Variants in CHD6 observed in about 807,000 individuals in gnomAD.
The protein encoded by CHD6 is chromodomain helicase DNA binding protein 6.
A neutral mutation model predicts 276.9 loss-of-function variants in CHD6; 50 were observed. That is an observed-to-expected ratio of 0.18 (90% CI 0.14 to 0.23). The LOEUF (loss-of-function observed/expected upper bound fraction) is 0.23, where lower values mean the gene tolerates loss of function less well. CHD6 is among the 10% of genes least tolerant of loss of function. The pLI is 1.00. For missense variants in CHD6, 2,564 were observed against 3,365.8 expected (o/e 0.76, Z 5.89); for synonymous variants, 1,173 against 1,229.3 (o/e 0.95, Z 0.96).
chr20:41,594,726 C>T (rs1439960783), intron 1 of CHD6, among the ~76,000 whole-genome samples: 2 of 152,198 alleles, frequency 1.3e-5, no homozygotes, highest in Admixed American at 6.5e-5. Flanking sequence ...GTAAACAACC[C>T]TTCCCAACTA....
Position 41,404,030 on chromosome 20 carries a change from A to C in CHD6, c.*563T>G. ...GTTTTTGTTTTTTATAAAGAAATGA[A>C]TATATGTATTTTCAACCATTAGTTA... On this transcript the variant is annotated 3_prime_UTR_variant, in exon 37 of 37. Transcript: ENST00000373233. The C allele has an allele frequency of 9.5e-7, 1 of 1,048,632 alleles. No individual in the cohort carries two copies. The allele number at this position is 1,048,632 out of a possible 1,614,324, so 65.0% of individuals were successfully genotyped here.
In CHD6 at chr20:41,430,147, T is replaced by C. The variant is rs2047490191; in HGVS notation, c.4069-3994A>G. Among the ~76,000 whole-genome samples, 3 of 152,236 alleles carry C rather than the reference T, an allele frequency of 2.0e-5. No homozygotes were observed. In the South Asian group the frequency reaches 6.2e-4, roughly 31 times the overall value. Reference sequence around the variant, plus strand: ...CCATCCCTCTATGTGTGTGTGGTTTTAGCATGCAGACTAGAAGTAAAGGTG... The same window carrying C: ...CCATCCCTCTATGTGTGTGTGGTTTCAGCATGCAGACTAGAAGTAAAGGTG... On this transcript the variant is annotated intron_variant, in intron 27 of 36. Coordinates refer to ENST00000373233, the MANE Select transcript of CHD6 (RefSeq NM_032221.5).
chr20:41,404,265 AT>A lies in CHD6; in HGVS notation c.*327del. 1.8e-6 allele frequency: 2 copies of A among 1,093,776 alleles called. No homozygotes were observed. The highest frequency in any genetic ancestry group is 4.7e-5 in the East Asian group (1 of 21,092). The allele number at this position is 1,093,776 out of a possible 1,614,324, so 67.8% of individuals were successfully genotyped here. A position where few individuals can be genotyped will look rare whatever the true frequency, so the allele number is the denominator to read the frequency against. ...AAACCCTAGACAGCTTTCTTTTGCCATTTTTCCTCCTCAAGTGAGTGGGAAA... is the reference window on the plus strand; with the variant it reads ...AAACCCTAGACAGCTTTCTTTTGCCATTTTCCTCCTCAAGTGAGTGGGAAA... On this transcript the variant is annotated 3_prime_UTR_variant, in exon 37 of 37. Transcript: ENST00000373233.
chr20:41,425,203 G>A lies in CHD6; in HGVS notation c.4321C>T (p.Leu1441Phe). The part of the protein sequence containing the change: ...EMFRRTSEMD[L>F]INKEAQKRWT... ...CTCTTTTGGGCTTCCTTGTTGATGA[G>A]GTCCATTTCTGAGGTTCTCCTGAAC... Residue 1441 changes from leucine (L) to phenylalanine (F), a missense_variant, in exon 29 of 37, where the codon CTC (leucine) becomes TTC (phenylalanine). Coordinates refer to ENST00000373233, the MANE Select transcript of CHD6 (RefSeq NM_032221.5). 1.2e-6 allele frequency: 2 copies of A among 1,614,152 alleles called. No homozygotes were observed. Among genetic ancestry groups the A allele is most frequent in the Non-Finnish European group, 1.7e-6 (2 of 1,180,020 alleles).
At chr20:41,594,157 G>C (rs1266271818) in intron 1 of CHD6, among the ~76,000 whole-genome samples, 2 of 151,502 alleles carry the variant, frequency 1.3e-5, no homozygotes, top group South Asian at 2.1e-4. Flanking sequence ...CCTCATAAAG[G>C]TGTTCCACAG....
At chr20:41,549,809 T>A (rs967163105) in intron 2 of CHD6, among the ~76,000 whole-genome samples, 1 of 152,100 alleles carries the variant, frequency 6.6e-6, no homozygotes, top group Non-Finnish European at 1.5e-5. Context: ...TCTTCAGTAA[T>A]GTATTCTTTG....
chr20:41,610,900 CAGG>C (rs2045880846), intron 1 of CHD6, among the ~76,000 whole-genome samples: 1 of 152,040 alleles, frequency 6.6e-6, no homozygotes, highest in African/African-American at 2.4e-5. Flanking sequence ...GTATTGAGAA[CAGG>C]AGAACTACAG....
At chr20:41,531,336 T>A (rs1020458344) in intron 3 of CHD6, among the ~76,000 whole-genome samples, 1 of 152,158 alleles carries the variant, frequency 6.6e-6, no homozygotes, top group South Asian at 2.1e-4. Flanking sequence ...CTTATTATTC[T>A]CTGTAATAAT....
intron 1 of CHD6, among the ~76,000 whole-genome samples, chr20:41,599,489 C>T (rs1459568859): frequency 6.6e-6 from 1 of 152,162 alleles, no homozygotes; most frequent in Non-Finnish European, 1.5e-5. Context: ...TAGGTTGCTG[C>T]ACCATACCTC....
chr20:41,507,998 A>G (rs1158858818), intron 5 of CHD6, among the ~76,000 whole-genome samples: 1 of 152,214 alleles, frequency 6.6e-6, no homozygotes, highest in East Asian at 1.9e-4. Flanking sequence ...CATTCAGGGA[A>G]GACAAAATAA....
chr20:41,510,133 G>A (rs2044081348), intron 5 of CHD6, among the ~76,000 whole-genome samples: 1 of 152,122 alleles, frequency 6.6e-6, no homozygotes, highest in African/African-American at 2.4e-5. Flanking sequence ...CCACCCAGAG[G>A]GCCCCGGGAG....
chr20:41,418,011 C>T (rs2047058524), intron 31 of CHD6, among the ~76,000 whole-genome samples: 1 of 152,218 alleles, frequency 6.6e-6, no homozygotes, highest in Admixed American at 6.5e-5. Flanking sequence ...ACACCTAAGG[C>T]AGGAAAAGTT....
At chr20:41,521,116 T>C (rs531847056) in intron 3 of CHD6, among the ~76,000 whole-genome samples, 1 of 152,174 alleles carries the variant, frequency 6.6e-6, no homozygotes, top group Non-Finnish European at 1.5e-5. Context: ...AGGAAATCTG[T>C]TAAAGTTCTA....
At chr20:41,496,622 T>C (rs1280188255) in intron 8 of CHD6, among the ~76,000 whole-genome samples, 2 of 152,232 alleles carry the variant, frequency 1.3e-5, no homozygotes, top group African/African-American at 4.8e-5. Context: ...AAAGGCAGTG[T>C]TGAACTACTC....
chr20:41,599,357 C>T lies in CHD6; in HGVS notation c.-24+18983G>A, dbSNP rs537312784. Among the ~76,000 whole-genome samples the T allele has an allele frequency of 9.9e-5, 15 of 152,166 alleles. No individual in the cohort carries two copies. The South Asian group carries it at 2.1e-3, about 21-fold the overall frequency. On this transcript the variant is annotated intron_variant, in intron 1 of 36. Coordinates refer to ENST00000373233, the MANE Select transcript of CHD6 (RefSeq NM_032221.5). ...TTACCACCCTAGCAAATGAATTAGC[C>T]GAAAATTCTGGAATAGATTACCCCT...
intron 1 of CHD6, among the ~76,000 whole-genome samples, chr20:41,603,733 G>A (rs751388645): frequency 4.6e-5 from 7 of 152,072 alleles, no homozygotes; most frequent in East Asian, 1.9e-4. Flanking sequence ...TAGGCTTGGC[G>A]GTGTGCACCT....
intron 2 of CHD6, among the ~76,000 whole-genome samples, chr20:41,534,960 G>A (rs776156107): frequency 3.3e-5 from 5 of 151,966 alleles, no homozygotes; most frequent in African/African-American, 9.7e-5. Flanking sequence ...AGCTGTCCTC[G>A]GAAGATTCTT....
rs138014229 is a variant in CHD6, at chr20:41,559,346, G to A, written c.-23-7986C>T. Among the ~76,000 whole-genome samples the A allele has an allele frequency of 8.3e-4, 127 of 152,236 alleles. 1 individual carries two copies. Among genetic ancestry groups the A allele is most frequent in the African/African-American group, 2.9e-3 (121 of 41,540 alleles). On this transcript the variant is annotated intron_variant, in intron 1 of 36. Coordinates refer to ENST00000373233, the MANE Select transcript of CHD6 (RefSeq NM_032221.5). ...TCTCCTCCTCTCAAGAAAGAAACAGGTTTAACTCTATCTCAAAACAGTAAC... is the reference window on the plus strand; with the variant it reads ...TCTCCTCCTCTCAAGAAAGAAACAGATTTAACTCTATCTCAAAACAGTAAC...
intron 11 of CHD6, among the ~76,000 whole-genome samples, chr20:41,490,317 C>T (rs1313951620): frequency 6.6e-6 from 1 of 152,052 alleles, no homozygotes; most frequent in Non-Finnish European, 1.5e-5. Context: ...ATAGAGTGTA[C>T]CTACTAAACC....
Sources: allele counts gnomAD v4.1 joint callset (sites outside exome capture counted in the v4.1 genomes callset), GRCh38; gene constraint gnomAD v4.1.1; transcripts MANE v1.5; gene names NCBI Gene and HGNC (gene_info 2026-07-23, HGNC 2026-07-21).